CHCHD6: variants seen among roughly 807,000 people sequenced by gnomAD.
CHCHD6 encodes the protein MICOS complex subunit MIC25.
Under a neutral mutation model 32.3 loss-of-function variants are expected in CHCHD6, and 28 were observed. The ratio of observed to expected loss-of-function variants is 0.87; its 90% CI spans 0.64 to 1.19. CHCHD6 has a LOEUF of 1.19. Among genes scored for constraint, CHCHD6 ranks in the 50% most tolerant of loss-of-function variants. The pLI is 0.00. For missense variants in CHCHD6, 333 were observed against 307.0 expected (o/e 1.08, Z -0.63); for synonymous variants, 122 against 117.5 (o/e 1.04, Z -0.25).
intron 4 of CHCHD6, chr3:126,766,966 A>G (rs973021950): frequency 1.0e-6 from 1 of 957,828 alleles, no homozygotes; most frequent in South Asian, 1.4e-5. Context: ...GTCCAGGACC[A>G]GTGTGTGGTT....
chr3:126,948,705 A>G (rs570049853), intron 6 of CHCHD6, among the ~76,000 whole-genome samples: 22 of 152,308 alleles, frequency 1.4e-4, no homozygotes, highest in East Asian at 3.9e-4. Flanking sequence ...TCTGACAACA[A>G]TTTGTGACAG....
In CHCHD6 at chr3:126,820,482, G is replaced by A. The variant is rs552670514; in HGVS notation, c.412-32165G>A. Among the ~76,000 whole-genome samples, 430 of 152,288 alleles carry A rather than the reference G, an allele frequency of 2.8e-3. 3 individuals are homozygous for A. The highest frequency in any genetic ancestry group is 4.2e-3 in the Non-Finnish European group (286 of 68,016). On this transcript the variant is annotated intron_variant, in intron 4 of 7. Coordinates refer to ENST00000290913, the MANE Select transcript of CHCHD6 (RefSeq NM_032343.3). ...TGGACTTGGAAGAATACAGGACAGTGTTCCTGGCTTTCTGGTTTTTCTGGC... is the reference window on the plus strand; with the variant it reads ...TGGACTTGGAAGAATACAGGACAGTATTCCTGGCTTTCTGGTTTTTCTGGC...
intron 4 of CHCHD6, among the ~76,000 whole-genome samples, chr3:126,846,689 CT>C (rs1239330043): frequency 6.6e-6 from 1 of 152,140 alleles, no homozygotes; most frequent in East Asian, 1.9e-4. Flanking sequence ...TGATATTTAC[CT>C]TTTTCTACTA....
At chr3:126,912,051 G>A (rs969714665) in intron 5 of CHCHD6, among the ~76,000 whole-genome samples, 2 of 152,206 alleles carry the variant, frequency 1.3e-5, no homozygotes, top group Admixed American at 6.5e-5. Context: ...TGGCTGTGGT[G>A]GGCTGAGGTG....
rs190572597 is a variant in CHCHD6, at chr3:126,751,769, G to C, written c.411+18547G>C. Among the ~76,000 whole-genome samples, 19 of 152,294 alleles carry C rather than the reference G, an allele frequency of 1.2e-4. No homozygotes were observed. In the East Asian group the frequency reaches 1.7e-3, roughly 14 times the overall value. ...GCTTCCCAGTTGTGCTCCCTGAGCA[G>C]GGCACTGAATCCTCTGTTGTCCCTG... On this transcript the variant is annotated intron_variant, in intron 4 of 7. Transcript: ENST00000290913.
chr3:126,758,370 TCACAGTG>T (rs1173202372), intron 4 of CHCHD6, among the ~76,000 whole-genome samples: 1 of 152,236 alleles, frequency 6.6e-6, no homozygotes, highest in African/African-American at 2.4e-5. Context: ...GCATTACAAA[TCACAGTG>T]GTGTTGAACT....
chr3:126,896,097 A>T (rs2077834569), intron 5 of CHCHD6, among the ~76,000 whole-genome samples: 1 of 152,218 alleles, frequency 6.6e-6, no homozygotes, highest in African/African-American at 2.4e-5. Flanking sequence ...TCTTCCTGGA[A>T]TGTCAGTTTT....
intron 4 of CHCHD6, among the ~76,000 whole-genome samples, chr3:126,845,244 T>C: frequency 6.6e-6 from 1 of 152,290 alleles, no homozygotes; most frequent in Non-Finnish European, 1.5e-5. Context: ...CCTCTTTGCT[T>C]CTTTCTTGCA....
intron 5 of CHCHD6, among the ~76,000 whole-genome samples, chr3:126,859,009 G>A (rs192403671): frequency 3.3e-5 from 5 of 152,340 alleles, no homozygotes; most frequent in East Asian, 3.9e-4. Flanking sequence ...TCTTGTTAGC[G>A]CCTGTGGCTG....
chr3:126,802,353 A>ACAG (rs2107691237), intron 4 of CHCHD6, among the ~76,000 whole-genome samples: 1 of 152,344 alleles, frequency 6.6e-6, no homozygotes, highest in East Asian at 1.9e-4. Flanking sequence ...AATAACCAAT[A>ACAG]CAGAGAAGTG....
intron 5 of CHCHD6, among the ~76,000 whole-genome samples, chr3:126,887,763 A>G (rs1286010562): frequency 1.3e-5 from 2 of 152,218 alleles, no homozygotes; most frequent in East Asian, 1.9e-4. Flanking sequence ...CAGCCGCAGC[A>G]TAGGGACTAC....
At chr3:126,872,776 A>G (rs1457093539) in intron 5 of CHCHD6, among the ~76,000 whole-genome samples, 1 of 152,222 alleles carries the variant, frequency 6.6e-6, no homozygotes, top group Non-Finnish European at 1.5e-5. Context: ...GGGGCAAAAC[A>G]GGATGTTCTC....
At chr3:126,730,965 G>C (rs897172106) in intron 3 of CHCHD6, among the ~76,000 whole-genome samples, 12 of 151,874 alleles carry the variant, frequency 7.9e-5, no homozygotes, top group African/African-American at 2.9e-4. Context: ...AATTAGCTGG[G>C]GGTGGTGGTG....
In CHCHD6 at chr3:126,812,764, A is replaced by G. The variant is rs539398632; in HGVS notation, c.412-39883A>G. Reference sequence around the variant, plus strand: ...CATTCTTGCTTTAACTTTTATGACAATGCTTTTTGTGGAATACCTTTTCTT... The same window carrying G: ...CATTCTTGCTTTAACTTTTATGACAGTGCTTTTTGTGGAATACCTTTTCTT... On this transcript the variant is annotated intron_variant, in intron 4 of 7. Transcript: ENST00000290913. 5.3e-5 allele frequency among the ~76,000 whole-genome samples: 8 copies of G among 151,894 alleles called. No individual in the cohort carries two copies. In the South Asian group the frequency reaches 1.0e-3, roughly 20 times the overall value.
At chr3:126,829,714 T>A (rs1432632695) in intron 4 of CHCHD6, among the ~76,000 whole-genome samples, 1 of 152,162 alleles carries the variant, frequency 6.6e-6, no homozygotes, top group African/African-American at 2.4e-5. Context: ...AGAAGGTGGC[T>A]GTCTGCAAGT....
chr3:126,891,145 C>T (rs1402088577), intron 5 of CHCHD6, among the ~76,000 whole-genome samples: 2 of 152,152 alleles, frequency 1.3e-5, no homozygotes, highest in Non-Finnish European at 2.9e-5. Context: ...GACCAGCATG[C>T]TGTGGAGACG....
intron 4 of CHCHD6, among the ~76,000 whole-genome samples, chr3:126,785,193 A>C (rs1404273969): frequency 6.6e-6 from 1 of 151,942 alleles, no homozygotes; most frequent in Non-Finnish European, 1.5e-5. Context: ...TGTCCTTTTC[A>C]TTATAGAAAG....
intron 5 of CHCHD6, among the ~76,000 whole-genome samples, chr3:126,905,091 C>T (rs2077986435): frequency 6.6e-6 from 1 of 152,108 alleles, no homozygotes. Flanking sequence ...GTGTCACATC[C>T]AGAACGAGCC....
At chr3:126,888,034 C>CG (rs753972904) in intron 5 of CHCHD6, among the ~76,000 whole-genome samples, 112 of 152,254 alleles carry the variant, frequency 7.4e-4, no homozygotes, top group Non-Finnish European at 1.3e-3. Flanking sequence ...TATATGTGAG[C>CG]GGGGGGCTGC....
Sources: gnomAD v4.1 joint callset for allele counts (sites outside exome capture counted in the v4.1 genomes callset) on GRCh38, gnomAD v4.1.1 for gene constraint, MANE v1.5 for transcripts, NCBI Gene and HGNC (gene_info 2026-07-23, HGNC 2026-07-21) for gene names.